The following CNTNAP2 variants were observed in gnomAD, a reference collection of about 807,000 sequenced individuals.
The protein encoded by CNTNAP2 is contactin-associated protein-like 2.
CNTNAP2 carries 98 observed loss-of-function variants against 155.2 expected under a neutral mutation model. The ratio of observed to expected loss-of-function variants is 0.63; its 90% CI spans 0.54 to 0.75. The LOEUF (loss-of-function observed/expected upper bound fraction) is 0.75. Ranked by LOEUF, CNTNAP2 falls within the 30% of genes least tolerant of loss-of-function variation. CNTNAP2 has a pLI of 0.00. For synonymous variants in CNTNAP2, 651 were observed against 631.2 expected, an observed-to-expected ratio of 1.03 and a Z score of -0.47; for missense variants, 1,727 against 1,688.1, an observed-to-expected ratio of 1.02 and a Z score of -0.40.
chr7:147,332,139 G>A (rs575648086), intron 9 of CNTNAP2, among the ~76,000 whole-genome samples: 6 of 152,184 alleles, frequency 3.9e-5, no homozygotes, highest in East Asian at 1.9e-4. Flanking sequence ...TACAATGTTC[G>A]GATGATCTTA....
chr7:146,762,217 C>T (rs1164298185), intron 1 of CNTNAP2, among the ~76,000 whole-genome samples: 3 of 152,110 alleles, frequency 2.0e-5, no homozygotes, highest in South Asian at 2.1e-4. Context: ...TTACATTAAA[C>T]GTCTACTTTC....
At chr7:147,401,922 T>G (rs77812780) in intron 10 of CNTNAP2, among the ~76,000 whole-genome samples, 2,969 of 150,896 alleles carry the variant, frequency 0.02, 45 homozygotes, top group East Asian at 0.054. Flanking sequence ...CAGTTCGTTA[T>G]AGCAACGTGA....
intron 1 of CNTNAP2, among the ~76,000 whole-genome samples, chr7:146,273,924 A>G (rs1396507848): frequency 6.6e-6 from 1 of 152,160 alleles, no homozygotes; most frequent in Non-Finnish European, 1.5e-5. Context: ...ACATAAGGAA[A>G]TGGTCATTTG....
At chr7:147,951,168 A>T (rs1215943468) in intron 14 of CNTNAP2, among the ~76,000 whole-genome samples, 2 of 152,226 alleles carry the variant, frequency 1.3e-5, no homozygotes, top group Non-Finnish European at 2.9e-5. Flanking sequence ...GCCTTCCAGG[A>T]TCACTGTATT....
At chr7:146,911,267 A>C (rs1287118777) in intron 3 of CNTNAP2, among the ~76,000 whole-genome samples, 2 of 152,104 alleles carry the variant, frequency 1.3e-5, no homozygotes, top group Non-Finnish European at 2.9e-5. Context: ...AGGGATCTAG[A>C]ACTAGAAATA....
chr7:147,969,677 G>A (rs1234547453), intron 14 of CNTNAP2, among the ~76,000 whole-genome samples: 1 of 151,972 alleles, frequency 6.6e-6, no homozygotes, highest in African/African-American at 2.4e-5. Context: ...ATGGAGCTGA[G>A]AACAAAATAA....
chr7:146,801,882 A>G (rs556250664), intron 2 of CNTNAP2, among the ~76,000 whole-genome samples: 1 of 152,354 alleles, frequency 6.6e-6, no homozygotes, highest in African/African-American at 2.4e-5. Flanking sequence ...CTATGGTTCT[A>G]GAATAAAATT....
chr7:147,520,472 A>G (rs1402033493), intron 11 of CNTNAP2, among the ~76,000 whole-genome samples: 1 of 152,202 alleles, frequency 6.6e-6, no homozygotes, highest in Non-Finnish European at 1.5e-5. Flanking sequence ...CGCTGAGGTT[A>G]GTGTCTCTCA....
At chr7:148,194,817 G>A (rs1795251063) in intron 18 of CNTNAP2, among the ~76,000 whole-genome samples, 1 of 152,168 alleles carries the variant, frequency 6.6e-6, no homozygotes, top group African/African-American at 2.4e-5. Context: ...CAATGGATTG[G>A]ATGGTGCCCA....
Position 146,695,195 on chromosome 7 carries a change from T to C in CNTNAP2, c.98-79076T>C, listed in dbSNP as rs187358058. The stretch of plus-strand genomic sequence containing the variant: ...GGGAAAGCATCCAGTTTCACACTGT[T>C]TGCTATGATATTAACTACAAAAACT... On this transcript the variant is annotated intron_variant, in intron 1 of 23. Coordinates refer to ENST00000361727, the MANE Select transcript of CNTNAP2 (RefSeq NM_014141.6). Among the ~76,000 whole-genome samples, 466 of 152,256 alleles carry C rather than the reference T, an allele frequency of 3.1e-3. 3 individuals carry two copies. Among genetic ancestry groups the C allele is most frequent in the Non-Finnish European group, 4.7e-3 (321 of 68,012 alleles).
chr7:147,697,684 T>A (rs917106806), intron 13 of CNTNAP2, among the ~76,000 whole-genome samples: 2 of 152,184 alleles, frequency 1.3e-5, no homozygotes, highest in Admixed American at 1.3e-4. Context: ...ACAGGGTGAC[T>A]GGAGGAGACC....
intron 8 of CNTNAP2, among the ~76,000 whole-genome samples, chr7:147,142,714 G>T (rs1369116592): frequency 6.6e-6 from 1 of 152,080 alleles, no homozygotes; most frequent in East Asian, 1.9e-4. Context: ...TAACTAACCT[G>T]CATGTTGTGC....
chr7:148,008,129 C>T (rs1032116550), intron 15 of CNTNAP2, among the ~76,000 whole-genome samples: 1 of 151,256 alleles, frequency 6.6e-6, no homozygotes, highest in Non-Finnish European at 1.5e-5. Context: ...TTTGGGAGGC[C>T]GAGGTGGGTA....
chr7:147,548,922 A>G (rs1176076682), intron 11 of CNTNAP2, among the ~76,000 whole-genome samples: 1 of 151,940 alleles, frequency 6.6e-6, no homozygotes, highest in Admixed American at 6.6e-5. Context: ...TTGTAGATGT[A>G]TGGTGTTATT....
intron 8 of CNTNAP2, among the ~76,000 whole-genome samples, chr7:147,181,735 A>G (rs1802458878): frequency 1.3e-5 from 2 of 152,210 alleles, no homozygotes; most frequent in African/African-American, 4.8e-5. Context: ...TCCTTTCAAA[A>G]ATATAAAATA....
At chr7:146,430,148 G>A (rs979470136) in intron 1 of CNTNAP2, among the ~76,000 whole-genome samples, 4 of 151,110 alleles carry the variant, frequency 2.6e-5, no homozygotes, top group South Asian at 2.1e-4. Flanking sequence ...TATTCGCATC[G>A]ATGTTCATCA....
At chr7:146,425,519 A>G (rs566899658) in intron 1 of CNTNAP2, among the ~76,000 whole-genome samples, 8 of 152,326 alleles carry the variant, frequency 5.3e-5, no homozygotes, top group African/African-American at 1.9e-4. Context: ...CCATCCATGT[A>G]TTTTAGTACA....
chr7:148,328,014 A>G (rs1797921586), intron 21 of CNTNAP2, among the ~76,000 whole-genome samples: 1 of 152,230 alleles, frequency 6.6e-6, no homozygotes. Context: ...AAGGAATGGC[A>G]TATCTCCCAG....
At chr7:146,889,699 C>T (rs1035598313) in intron 3 of CNTNAP2, among the ~76,000 whole-genome samples, 13 of 152,004 alleles carry the variant, frequency 8.6e-5, no homozygotes, top group Admixed American at 2.0e-4. Context: ...ATACCTTGTT[C>T]TTCATCACTT....
Sources: allele counts gnomAD v4.1 joint callset (sites outside exome capture counted in the v4.1 genomes callset), GRCh38; gene constraint gnomAD v4.1.1; transcripts MANE v1.5; gene names NCBI Gene and HGNC (gene_info 2026-07-23, HGNC 2026-07-21).